LRRC8C: variants seen among roughly 807,000 people sequenced by gnomAD.
The protein encoded by LRRC8C is leucine rich repeat containing 8 VRAC subunit C, also known as volume-regulated anion channel subunit LRRC8C.
In LRRC8C, 20 loss-of-function variants were observed where a neutral mutation model predicts 55.3. That is an observed-to-expected ratio of 0.36 (90% confidence interval 0.25 to 0.53). The LOEUF is 0.53. Among genes scored for constraint, LRRC8C ranks in the 20% least tolerant of loss-of-function variants. The pLI, the probability that LRRC8C is intolerant of heterozygous loss-of-function variation, is 0.92. For synonymous variants in LRRC8C, 376 were observed against 360.7 expected, an observed-to-expected ratio of 1.04 and a Z score of -0.48; for missense variants, 659 against 951.4, an observed-to-expected ratio of 0.69 and a Z score of 4.04.
At chr1:89,643,456 G>A (rs1215832133) in intron 1 of LRRC8C, among the ~76,000 whole-genome samples, 1 of 152,226 alleles carries the variant, frequency 6.6e-6, no homozygotes, top group East Asian at 1.9e-4. Flanking sequence ...AATGTGTATA[G>A]TAATGACTAC....
the LRRC8C span, among the ~76,000 whole-genome samples, chr1:89,616,712 T>C: frequency 6.6e-6 from 1 of 151,960 alleles, no homozygotes; most frequent in African/African-American, 2.4e-5. Flanking sequence ...AGGAGGCTCA[T>C]AGATGGAAAC....
At chr1:89,640,155 C>T (rs1334052426) in intron 1 of LRRC8C, among the ~76,000 whole-genome samples, 1 of 152,216 alleles carries the variant, frequency 6.6e-6, no homozygotes, top group Non-Finnish European at 1.5e-5. Context: ...ACCGCTGCCT[C>T]CTGGGTTCAA....
chr1:89,640,375 T>A (rs1030683412), intron 1 of LRRC8C, among the ~76,000 whole-genome samples: 2 of 152,244 alleles, frequency 1.3e-5, no homozygotes, highest in Non-Finnish European at 2.9e-5. Flanking sequence ...TCCTTATGTA[T>A]TTTAAGAACT....
At chr1:89,680,548 G>GTTTTTT (rs1657677489) in intron 1 of LRRC8C, among the ~76,000 whole-genome samples, 1 of 89,780 alleles carries the variant, frequency 1.1e-5, no homozygotes, top group African/African-American at 4.2e-5. Context: ...ATGCTTTCAT[G>GTTTTTT]CTTTTTTTTT....
chr1:89,683,854 TATC>T (rs1277334472), intron 1 of LRRC8C, among the ~76,000 whole-genome samples: 14 of 152,282 alleles, frequency 9.2e-5, no homozygotes, highest in African/African-American at 3.4e-4. Flanking sequence ...CAAAACAACA[TATC>T]ATATCACAAT....
chr1:89,680,926 G>A (rs1657690114), intron 1 of LRRC8C, among the ~76,000 whole-genome samples: 1 of 152,156 alleles, frequency 6.6e-6, no homozygotes, highest in Admixed American at 6.5e-5. Context: ...AAGCAGAGAT[G>A]TAATAATTTT....
At chr1:89,690,671 G>GT (rs1318646570) in intron 2 of LRRC8C, among the ~76,000 whole-genome samples, 1 of 152,218 alleles carries the variant, frequency 6.6e-6, no homozygotes, top group African/African-American at 2.4e-5. Flanking sequence ...TGTGCCTGCG[G>GT]TAAGTTCAGG....
intron 2 of LRRC8C, among the ~76,000 whole-genome samples, chr1:89,698,347 A>G (rs572641487): frequency 6.6e-6 from 1 of 152,126 alleles, no homozygotes; most frequent in African/African-American, 2.4e-5. Flanking sequence ...TGTTTGTTTT[A>G]TTTATTCACT....
chr1:89,656,732 G>A (rs772267936), intron 1 of LRRC8C, among the ~76,000 whole-genome samples: 4 of 152,114 alleles, frequency 2.6e-5, no homozygotes, highest in Non-Finnish European at 4.4e-5. Flanking sequence ...GGTACTGTTC[G>A]GCACTTTCCA....
intron 1 of LRRC8C, among the ~76,000 whole-genome samples, chr1:89,633,703 A>G (rs540596913): frequency 1.4e-4 from 21 of 151,940 alleles, no homozygotes; most frequent in Non-Finnish European, 2.1e-4. Flanking sequence ...TACCTCGAAA[A>G]TCTCTGAGAC....
intron 1 of LRRC8C, 104 bp from the exon 2 acceptor site, chr1:89,686,366 C>A: frequency 8.4e-7 from 1 of 1,187,810 alleles, no homozygotes; most frequent in Non-Finnish European, 1.2e-6. Flanking sequence ...AGCTCTTGAA[C>A]TAATTCAGAC....
chr1:89,717,921 G>A lies in LRRC8C; in HGVS notation c.*2939G>A, dbSNP rs1449875534. 1 of 152,118 alleles carries A rather than the reference G, an allele frequency of 6.6e-6. No individual in the cohort carries two copies. The highest frequency in any genetic ancestry group is 2.1e-4 in the South Asian group (1 of 4,830). 9.4% of individuals were successfully genotyped at this position (152,118 alleles called of 1,614,324 possible). On this transcript the variant is annotated 3_prime_UTR_variant, in exon 3 of 3. Coordinates refer to ENST00000370454, the MANE Select transcript of LRRC8C (RefSeq NM_032270.5). ...CACCATATGTGTTCTTAACTCCTAT[G>A]GCTGCTTGAAGCTCATGATGAAAAA...
rs192665458 is a variant in LRRC8C at position 89,634,389 on chromosome 1, G to T, written c.-5+1067G>T. 2.5e-3 allele frequency among the ~76,000 whole-genome samples: 377 copies of T among 152,296 alleles called. 3 individuals are homozygous for T. Among genetic ancestry groups the T allele is most frequent in the African/African-American group, 8.7e-3 (360 of 41,550 alleles). ...CATTTAAAGCAGCCTTTGAAGGAAG[G>T]AATAGGTAAAGGAAATCGCAGCCGT... On this transcript the variant is annotated intron_variant, in intron 1 of 2. Coordinates refer to ENST00000370454, the MANE Select transcript of LRRC8C (RefSeq NM_032270.5).
chr1:89,667,162 T>C (rs1021678166), intron 1 of LRRC8C, among the ~76,000 whole-genome samples: 3 of 152,008 alleles, frequency 2.0e-5, no homozygotes, highest in Admixed American at 6.6e-5. Context: ...CCTTAGACCG[T>C]TTTCTCCTCT....
intron 1 of LRRC8C, among the ~76,000 whole-genome samples, chr1:89,657,608 G>A (rs1001444280): frequency 1.9e-4 from 29 of 152,112 alleles, no homozygotes; most frequent in African/African-American, 7.0e-4. Context: ...GGGCGTGGTA[G>A]CACACGCCTA....
At chr1:89,670,307 GCATTTT>G (rs1298861298) in intron 1 of LRRC8C, among the ~76,000 whole-genome samples, 1 of 152,108 alleles carries the variant, frequency 6.6e-6, no homozygotes, top group Non-Finnish European at 1.5e-5. Context: ...GTTAAACCTC[GCATTTT>G]CATTTCCGCA....
chr1:89,656,056 T>TA (rs1453603230), intron 1 of LRRC8C, among the ~76,000 whole-genome samples: 6 of 152,256 alleles, frequency 3.9e-5, no homozygotes, highest in Admixed American at 3.3e-4. Flanking sequence ...GCTGCCATCT[T>TA]ACAGCGAGAG....
At chr1:89,643,982 A>T (rs1457089788) in intron 1 of LRRC8C, among the ~76,000 whole-genome samples, 1 of 152,262 alleles carries the variant, frequency 6.6e-6, no homozygotes, top group Non-Finnish European at 1.5e-5. Context: ...TTTAAAAAAG[A>T]TAACCTACAA....
At chr1:89,645,538 T>G (rs1656586548) in intron 1 of LRRC8C, among the ~76,000 whole-genome samples, 1 of 152,118 alleles carries the variant, frequency 6.6e-6, no homozygotes. Context: ...CACAAGCAGG[T>G]TAAGTACAAC....
Sources: allele counts gnomAD v4.1 joint callset (sites outside exome capture counted in the v4.1 genomes callset), GRCh38; gene constraint gnomAD v4.1.1; transcripts MANE v1.5; gene names NCBI Gene and HGNC (gene_info 2026-07-23, HGNC 2026-07-21).